The following NCALD variants were observed in gnomAD, a reference collection of about 807,000 sequenced individuals.
The protein encoded by NCALD is neurocalcin delta.
Under a neutral mutation model 18.6 loss-of-function variants are expected in NCALD, and 10 were observed. That is an observed-to-expected ratio of 0.54 (90% CI 0.33 to 0.91). The LOEUF (loss-of-function observed/expected upper bound fraction) is 0.91, where lower values mean the gene tolerates loss of function less well. Ranked by LOEUF, NCALD falls within the 40% of genes least tolerant of loss-of-function variation. The probability of loss-of-function intolerance (pLI) is 0.03; values close to 1 mark genes in which losing one functional copy is unlikely to be tolerated. For missense variants in NCALD, 184 were observed against 247.6 expected (o/e 0.74, Z 1.72); for synonymous variants, 88 against 87.4 (o/e 1.01, Z -0.04).
intron 2 of NCALD, among the ~76,000 whole-genome samples, chr8:101,941,733 A>G (rs993063043): frequency 6.6e-6 from 1 of 152,192 alleles, no homozygotes; most frequent in Non-Finnish European, 1.5e-5. Flanking sequence ...ACAGGCTGAC[A>G]TGGGGTATTA....
At chr8:101,816,380 G>T (rs1034083753) in intron 4 of NCALD, among the ~76,000 whole-genome samples, 4 of 152,082 alleles carry the variant, frequency 2.6e-5, no homozygotes, top group African/African-American at 9.7e-5. Context: ...CAAAAGAAAA[G>T]AAACATTCTG....
intron 1 of NCALD, among the ~76,000 whole-genome samples, chr8:102,072,190 T>C (rs1824198745): frequency 1.3e-5 from 2 of 152,168 alleles, no homozygotes; most frequent in African/African-American, 2.4e-5. Flanking sequence ...TTGTTATTCA[T>C]CATGGAATTA....
At chr8:101,951,068 C>T (rs1403540433) in intron 2 of NCALD, among the ~76,000 whole-genome samples, 1 of 152,200 alleles carries the variant, frequency 6.6e-6, no homozygotes, top group Non-Finnish European at 1.5e-5. Flanking sequence ...CAACCAGACA[C>T]GTCTCAGCCA....
At chr8:101,770,364 G>A (rs1811533215) in intron 1 of NCALD, among the ~76,000 whole-genome samples, 1 of 152,158 alleles carries the variant, frequency 6.6e-6, no homozygotes, top group Admixed American at 6.5e-5. Flanking sequence ...GTCAGCAAGA[G>A]ATGATGTTAT....
At chr8:101,761,130 T>C (rs936142757) in intron 1 of NCALD, among the ~76,000 whole-genome samples, 2 of 152,076 alleles carry the variant, frequency 1.3e-5, no homozygotes, top group African/African-American at 4.8e-5. Context: ...GCTTAACTGC[T>C]ACCTGGGGGA....
chr8:101,857,365 C>A (rs1190856156), intron 4 of NCALD, among the ~76,000 whole-genome samples: 2 of 152,186 alleles, frequency 1.3e-5, no homozygotes, highest in African/African-American at 4.8e-5. Flanking sequence ...CAGTCTAATA[C>A]TGACACAGCC....
At chr8:101,729,486 G>T (rs2130561355) in intron 1 of NCALD, among the ~76,000 whole-genome samples, 2 of 152,318 alleles carry the variant, frequency 1.3e-5, no homozygotes, top group African/African-American at 4.8e-5. Context: ...CCCCAGTGAG[G>T]CCTCTTCCCA....
chr8:102,076,162 A>G (rs1270748052), intron 1 of NCALD, among the ~76,000 whole-genome samples: 1 of 152,120 alleles, frequency 6.6e-6, no homozygotes, highest in Admixed American at 6.5e-5. Flanking sequence ...ATAAAAAAAT[A>G]ACATGTTTAT....
intron 4 of NCALD, among the ~76,000 whole-genome samples, chr8:101,821,765 A>T (rs1365750038): frequency 6.6e-6 from 1 of 151,972 alleles, no homozygotes. Flanking sequence ...ACCTCTATCC[A>T]CTGGAGTATA....
At chr8:101,937,809 G>T (rs1818818430) in intron 2 of NCALD, among the ~76,000 whole-genome samples, 1 of 152,116 alleles carries the variant, frequency 6.6e-6, no homozygotes, top group African/African-American at 2.4e-5. Flanking sequence ...ACTCTTGTAG[G>T]GAGACAGTCA....
In NCALD at chr8:102,026,807, C is replaced by A. The variant is rs187016618; in HGVS notation, c.-209-6518G>T. Among the ~76,000 whole-genome samples the A allele has an allele frequency of 2.6e-4, 40 of 152,356 alleles. 1 individual carries two copies. Among genetic ancestry groups the A allele is most frequent in the African/African-American group, 7.7e-4 (32 of 41,578 alleles). ...GTTCTCCATGAGGGCTCTGCCCCAG[C>A]AGTAAACTTCTGCCTGGAGATCCAG... On this transcript the variant is annotated intron_variant, in intron 1 of 6. Transcript: ENST00000311028.
chr8:101,724,547 T>C (rs114147700), intron 1 of NCALD, among the ~76,000 whole-genome samples: 2 of 152,234 alleles, frequency 1.3e-5, no homozygotes, highest in Non-Finnish European at 2.9e-5. Flanking sequence ...TCATCTCTTA[T>C]TGATTCCATG....
intron 1 of NCALD, among the ~76,000 whole-genome samples, chr8:102,084,923 G>A (rs1043659009): frequency 3.4e-4 from 52 of 152,184 alleles, no homozygotes; most frequent in African/African-American, 1.2e-3. Flanking sequence ...TTGGTGGGGT[G>A]GGAAGAATAG....
chr8:101,711,692 G>A (rs1010377552), intron 2 of NCALD, among the ~76,000 whole-genome samples: 9 of 151,822 alleles, frequency 5.9e-5, no homozygotes, highest in African/African-American at 2.2e-4. Flanking sequence ...TCAACTTAAT[G>A]AAATAAGGCA....
chr8:101,693,658 C>T (rs550756522), intron 2 of NCALD: 2 of 152,324 alleles, frequency 1.3e-5, no homozygotes, highest in South Asian at 4.1e-4. Context: ...AGGAGCAAGG[C>T]TGCAGATGAC....
intron 1 of NCALD, among the ~76,000 whole-genome samples, chr8:101,771,052 C>T (rs1314875050): frequency 6.6e-6 from 1 of 152,144 alleles, no homozygotes; most frequent in Non-Finnish European, 1.5e-5. Context: ...TTCCAATTCC[C>T]CACCCCTATA....
chr8:102,072,220 A>C (rs1369524032), intron 1 of NCALD, among the ~76,000 whole-genome samples: 1 of 152,196 alleles, frequency 6.6e-6, no homozygotes, highest in African/African-American at 2.4e-5. Flanking sequence ...GCCTCATTAA[A>C]ATCACAATGA....
chr8:101,774,773 A>G (rs767988481), intron 1 of NCALD, among the ~76,000 whole-genome samples: 22 of 152,190 alleles, frequency 1.4e-4, no homozygotes, highest in Non-Finnish European at 2.9e-5. Context: ...ATGGCCCAGC[A>G]CCTAGGTCAG....
chr8:101,780,839 T>C (rs760864848), intron 1 of NCALD, among the ~76,000 whole-genome samples: 2 of 152,234 alleles, frequency 1.3e-5, no homozygotes, highest in Non-Finnish European at 2.9e-5. Context: ...CAGTGTCTTT[T>C]AGTTAACCTG....
Sources: allele counts gnomAD v4.1 joint callset (sites outside exome capture counted in the v4.1 genomes callset), GRCh38; gene constraint gnomAD v4.1.1; transcripts MANE v1.5; gene names NCBI Gene and HGNC (gene_info 2026-07-23, HGNC 2026-07-21).